The following VRTN variants were observed in gnomAD, a reference collection of about 807,000 sequenced individuals.
VRTN encodes the protein vertebrae development associated, also known as vertnin.
In VRTN, 5 loss-of-function variants were observed where a neutral mutation model predicts 18.2. The observed-to-expected ratio is 0.27, with a 90% CI of 0.14 to 0.58. The LOEUF is 0.58. Ranked by LOEUF, VRTN falls within the 20% of genes least tolerant of loss-of-function variation. The pLI is 0.91. For missense variants in VRTN, 741 were observed against 939.4 expected, an observed-to-expected ratio of 0.79 and a Z score of 2.76; for synonymous variants, 381 against 393.7, an observed-to-expected ratio of 0.97 and a Z score of 0.38.
chr14:74,316,346 T>A (rs1376426826), intron 1 of VRTN, among the ~76,000 whole-genome samples: 1 of 151,920 alleles, frequency 6.6e-6, no homozygotes, highest in Non-Finnish European at 1.5e-5. Context: ...TGAAACTCTG[T>A]CTCTACTAAA....
chr14:74,344,244 T>TCCAAAAAAAAA (rs760737512), upstream of VRTN, among the ~76,000 whole-genome samples: 1 of 2,476 alleles, frequency 4.0e-4, no homozygotes, highest in African/African-American at 1.9e-3. Context: ...CTCTGCTTTC[T>TCCAAAAAAAAA]ACAAAAAAAA....
rs1034281057 is a variant in VRTN at position 74,355,436 on chromosome 14, C to T, written c.-1-1347C>T. Among the ~76,000 whole-genome samples, 11 of 152,142 alleles carry T rather than the reference C, an allele frequency of 7.2e-5. No homozygotes were observed. In the South Asian group the frequency reaches 1.5e-3, roughly 20 times the overall value. ...TCATCATACCTCGGGTTGCAGCAAG[C>T]GTGTTATAAGTATGCCCCATTTGAT... On this transcript the variant is annotated intron_variant, in intron 1 of 1. Coordinates refer to ENST00000256362, the MANE Select transcript of VRTN (RefSeq NM_018228.3).
intron 1 of VRTN, among the ~76,000 whole-genome samples, chr14:74,331,128 G>A (rs1388544393): frequency 6.6e-6 from 1 of 151,992 alleles, no homozygotes; most frequent in Non-Finnish European, 1.5e-5. Flanking sequence ...CGTGAACCCG[G>A]GAGGCGGAGC....
intron 2 of VRTN, among the ~76,000 whole-genome samples, chr14:74,342,705 A>G (rs1423719164): frequency 6.6e-6 from 1 of 151,852 alleles, no homozygotes; most frequent in Non-Finnish European, 1.5e-5. Context: ...TGGTGTGATC[A>G]CAGCTCACTA....
intron 1 of VRTN, among the ~76,000 whole-genome samples, chr14:74,336,693 C>T (rs2085566968): frequency 6.6e-6 from 1 of 152,008 alleles, no homozygotes; most frequent in Admixed American, 6.6e-5. Context: ...ATCGCTTGAA[C>T]CAGACGGAGG....
chr14:74,347,511 G>C (rs187594822), upstream of VRTN, among the ~76,000 whole-genome samples: 184 of 152,322 alleles, frequency 1.2e-3, no homozygotes, highest in Non-Finnish European at 2.4e-3. Flanking sequence ...TGGATGCATG[G>C]GGGCATTTTA....
chr14:74,322,173 G>T (rs1460490646), intron 1 of VRTN, among the ~76,000 whole-genome samples: 1 of 150,810 alleles, frequency 6.6e-6, no homozygotes, highest in African/African-American at 2.4e-5. Context: ...TTTGAGACAG[G>T]GTCTCACTCT....
intron 1 of VRTN, among the ~76,000 whole-genome samples, chr14:74,351,374 G>A (rs930305697): frequency 1.3e-5 from 2 of 151,598 alleles, no homozygotes; most frequent in African/African-American, 4.9e-5. Flanking sequence ...AACTTCTAGA[G>A]TTAAATGATA....
chr14:74,353,038 C>G (rs1328383246), intron 1 of VRTN, among the ~76,000 whole-genome samples: 1 of 152,142 alleles, frequency 6.6e-6, no homozygotes, highest in East Asian at 1.9e-4. Flanking sequence ...CGCCTGTAAT[C>G]CCAGCACTTT....
At chr14:74,330,324 A>G (rs2085513393) in intron 1 of VRTN, among the ~76,000 whole-genome samples, 1 of 152,206 alleles carries the variant, frequency 6.6e-6, no homozygotes, top group Non-Finnish European at 1.5e-5. Context: ...CTAAACAGAT[A>G]CTACTTGCCC....
Position 74,358,338 on chromosome 14 carries a change from G to T in VRTN, c.1555G>T (p.Val519Leu). Residue 519 changes from valine to leucine, a missense_variant, in exon 2 of 2, where the codon GTG becomes TTG. Physicochemically the swap from Val to Leu is conservative, Grantham distance 32 (BLOSUM62 1). Coordinates refer to ENST00000256362, the MANE Select transcript of VRTN (RefSeq NM_018228.3). The surrounding 1 kb of genome is among the most constrained non-coding windows in gnomAD (Gnocchi z 5.4). ...TCTGCGCAGGGCTGCCCGCAGGCAGGTGCTGAGTGGGCATCTCCCTTTCTG... is the reference window on the plus strand; with the variant it reads ...TCTGCGCAGGGCTGCCCGCAGGCAGTTGCTGAGTGGGCATCTCCCTTTCTG... ...RRLRRAARRQVLSGHLPFCRF... is the reference protein window; with the variant it reads ...RRLRRAARRQLLSGHLPFCRF... 2.5e-6 allele frequency: 4 copies of T among 1,613,420 alleles called. No homozygotes were observed. The highest frequency in any genetic ancestry group is 2.2e-5 in the East Asian group (1 of 44,886).
At chr14:74,336,045 ATCT>A (rs1051342463) in intron 1 of VRTN, among the ~76,000 whole-genome samples, 18 of 151,348 alleles carry the variant, frequency 1.2e-4, no homozygotes, top group African/African-American at 4.4e-4. Flanking sequence ...CCAGCCTCAG[ATCT>A]TCTTTATTTA....
intron 1 of VRTN, among the ~76,000 whole-genome samples, chr14:74,311,767 A>G (rs2140192262): frequency 7.1e-6 from 1 of 141,418 alleles, no homozygotes; most frequent in South Asian, 2.4e-4. Flanking sequence ...ATCAGCATAT[A>G]CAGACTTTTT....
chr14:74,305,146 A>G (rs2085338213), intron 1 of VRTN, among the ~76,000 whole-genome samples: 1 of 152,268 alleles, frequency 6.6e-6, no homozygotes, highest in East Asian at 1.9e-4. Context: ...AGCCTGGCCA[A>G]CATGACAAAA....
upstream of VRTN, among the ~76,000 whole-genome samples, chr14:74,347,728 C>G (rs1200158349): frequency 1.3e-5 from 2 of 152,206 alleles, no homozygotes; most frequent in African/African-American, 2.4e-5. Context: ...GGCCCCTGGG[C>G]CCTAGGTGAG....
upstream of VRTN, among the ~76,000 whole-genome samples, chr14:74,344,743 A>AAAAAAAAAAAAAAAAAAAAG (rs1425106645): frequency 4.8e-5 from 7 of 146,500 alleles, no homozygotes; most frequent in African/African-American, 1.9e-4. Flanking sequence ...TAAAAAAAAA[A>AAAAAAAAAAAAAAAAAAAAG]AAAATGAAAA....
At chr14:74,334,037 A>T (rs1162268459) in intron 1 of VRTN, among the ~76,000 whole-genome samples, 1 of 152,126 alleles carries the variant, frequency 6.6e-6, no homozygotes, top group Non-Finnish European at 1.5e-5. Flanking sequence ...AAAGAGGTTA[A>T]GCAACTTGCC....
chr14:74,346,552 T>C (rs1308835884), upstream of VRTN, among the ~76,000 whole-genome samples: 3 of 152,214 alleles, frequency 2.0e-5, no homozygotes, highest in Non-Finnish European at 2.9e-5. Context: ...TAGCTGGGAC[T>C]ATAGGCATGC....
At chr14:74,355,141 CAA>C (rs34077833) in intron 1 of VRTN, among the ~76,000 whole-genome samples, 1,398 of 108,536 alleles carry the variant, frequency 0.013, 11 homozygotes, top group African/African-American at 0.034. Flanking sequence ...GACTCAGTCT[CAA>C]AAAAAAAAAA....
Sources: allele counts gnomAD v4.1 joint callset (sites outside exome capture counted in the v4.1 genomes callset), GRCh38; gene constraint gnomAD v4.1.1; non-coding constraint Gnocchi (gnomAD v3.1); transcripts MANE v1.5; gene names NCBI Gene and HGNC (gene_info 2026-07-23, HGNC 2026-07-21).